Variants in RBFOX1 observed in about 807,000 individuals in gnomAD.
RBFOX1 encodes RNA binding protein fox-1 homolog 1.
In RBFOX1, 8 loss-of-function variants were observed where a neutral mutation model predicts 57.7. The ratio of observed to expected loss-of-function variants is 0.14; its 90% CI spans 0.08 to 0.25. The LOEUF (loss-of-function observed/expected upper bound fraction) is 0.25. Among genes scored for constraint, RBFOX1 ranks in the 10% least tolerant of loss-of-function variants. RBFOX1 has a pLI of 1.00. For missense variants in RBFOX1, 611 were observed against 548.5 expected (o/e 1.11, Z -1.14); for synonymous variants, 326 against 222.4 (o/e 1.47, Z -4.15).
intron 4 of RBFOX1, among the ~76,000 whole-genome samples, chr16:7,515,597 C>A (rs573009813): frequency 2.6e-5 from 4 of 152,164 alleles, no homozygotes; most frequent in South Asian, 4.1e-4. Flanking sequence ...AGTTATACAC[C>A]TTACATGTAT....
At chr16:6,055,294 C>G (rs1444658165) in intron 1 of RBFOX1, among the ~76,000 whole-genome samples, 1 of 151,954 alleles carries the variant, frequency 6.6e-6, no homozygotes, top group Non-Finnish European at 1.5e-5. Context: ...TTTGGAGATA[C>G]AGAAGTGAAC....
At chr16:5,645,125 C>T (rs1030223255) in intron 3 of RBFOX1, among the ~76,000 whole-genome samples, 2 of 151,548 alleles carry the variant, frequency 1.3e-5, no homozygotes, top group African/African-American at 2.4e-5. Context: ...GATGCATGCC[C>T]GTAATCCCAG....
At chr16:6,799,253 G>A (rs1306194715) in intron 3 of RBFOX1, among the ~76,000 whole-genome samples, 4 of 152,074 alleles carry the variant, frequency 2.6e-5, no homozygotes, top group African/African-American at 7.2e-5. Flanking sequence ...AGACACAGCA[G>A]GGCCACCCCA....
intron 2 of RBFOX1, among the ~76,000 whole-genome samples, chr16:5,580,172 C>T (rs531150642): frequency 2.6e-5 from 4 of 152,310 alleles, no homozygotes; most frequent in South Asian, 4.1e-4. Flanking sequence ...TCCCTTGGCC[C>T]AGCGTAGTGA....
At chr16:6,245,903 C>T (rs894713432) in intron 1 of RBFOX1, among the ~76,000 whole-genome samples, 2 of 152,278 alleles carry the variant, frequency 1.3e-5, no homozygotes, top group Admixed American at 1.3e-4. Context: ...TTCTCATGTC[C>T]TTATTCATAG....
At chr16:6,382,623 G>C (rs568776578) in intron 2 of RBFOX1, among the ~76,000 whole-genome samples, 2 of 152,290 alleles carry the variant, frequency 1.3e-5, no homozygotes, top group South Asian at 4.1e-4. Flanking sequence ...ACTTTGGGAG[G>C]CTGAGGCGGG....
At chr16:5,437,039 C>A (rs746093168) in intron 1 of RBFOX1, among the ~76,000 whole-genome samples, 1 of 152,162 alleles carries the variant, frequency 6.6e-6, no homozygotes, top group Non-Finnish European at 1.5e-5. Flanking sequence ...AAGAGACAGG[C>A]TTTCTGATGG....
At chr16:5,816,075 C>T (rs1287567948) in intron 3 of RBFOX1, among the ~76,000 whole-genome samples, 1 of 152,158 alleles carries the variant, frequency 6.6e-6, no homozygotes, top group East Asian at 1.9e-4. Flanking sequence ...TGTGAGCCTC[C>T]AGTTCTCCAT....
intron 2 of RBFOX1, among the ~76,000 whole-genome samples, chr16:6,438,957 C>G (rs1247165334): frequency 6.6e-6 from 1 of 152,172 alleles, no homozygotes; most frequent in African/African-American, 2.4e-5. Flanking sequence ...TGACATCTTC[C>G]TTTTGCATTG....
At chr16:5,416,709 A>G (rs1321796769) in intron 1 of RBFOX1, among the ~76,000 whole-genome samples, 2 of 151,904 alleles carry the variant, frequency 1.3e-5, no homozygotes, top group East Asian at 3.9e-4. Context: ...GTCGTCTTCA[A>G]GATTTTCTCT....
exon 4 of RBFOX1, chr16:5,867,315 C>A: frequency 8.3e-7 from 1 of 1,210,006 alleles, no homozygotes; most frequent in Non-Finnish European, 1.0e-6. Context: ...TTCGGCAAGT[C>A]AGGCTACAGG....
At chr16:6,055,457 G>A (rs1293427889) in intron 1 of RBFOX1, among the ~76,000 whole-genome samples, 4 of 151,912 alleles carry the variant, frequency 2.6e-5, no homozygotes, top group Non-Finnish European at 2.9e-5. Context: ...GCGAGGTGTT[G>A]TGGTGCGTGC....
At chr16:7,005,435 A>G (rs1218290130) in intron 3 of RBFOX1, among the ~76,000 whole-genome samples, 1 of 152,208 alleles carries the variant, frequency 6.6e-6, no homozygotes, top group Non-Finnish European at 1.5e-5. Flanking sequence ...AAAAGAGAAA[A>G]GTTTCTGGGT....
intron 2 of RBFOX1, among the ~76,000 whole-genome samples, chr16:6,501,558 G>C (rs1239791071): frequency 6.6e-6 from 1 of 151,960 alleles, no homozygotes; most frequent in African/African-American, 2.4e-5. Flanking sequence ...ATTTGGGTTG[G>C]TTCCAAGTCT....
chr16:7,261,813 CA>C (rs2094930238), intron 4 of RBFOX1, among the ~76,000 whole-genome samples: 1 of 152,162 alleles, frequency 6.6e-6, no homozygotes, highest in Non-Finnish European at 1.5e-5. Context: ...GCTTTGAAAG[CA>C]TTACTGATAT....
At chr16:6,465,452 C>T (rs1159482803) in intron 2 of RBFOX1, among the ~76,000 whole-genome samples, 1 of 152,130 alleles carries the variant, frequency 6.6e-6, no homozygotes, top group Non-Finnish European at 1.5e-5. Context: ...CCTTTCATTT[C>T]TGTCTGAGTT....
intron 4 of RBFOX1, among the ~76,000 whole-genome samples, chr16:7,506,251 G>C (rs914234951): frequency 1.5e-5 from 2 of 131,936 alleles, no homozygotes; most frequent in Non-Finnish European, 3.2e-5. Context: ...CAGAACAAAA[G>C]TTTATATGTT....
chr16:6,819,122 A>G (rs145978086), intron 3 of RBFOX1, among the ~76,000 whole-genome samples: 58 of 152,288 alleles, frequency 3.8e-4, no homozygotes, highest in East Asian at 1.4e-3. Flanking sequence ...AACAATTTCC[A>G]TGTGGGCTAT....
At chr16:5,961,798 G>C (rs2059755310) in intron 4 of RBFOX1, among the ~76,000 whole-genome samples, 1 of 152,132 alleles carries the variant, frequency 6.6e-6, no homozygotes. Context: ...AAAGCACTGG[G>C]GTTGCATGCA....
Sources: allele counts gnomAD v4.1 joint callset (sites outside exome capture counted in the v4.1 genomes callset), GRCh38; gene constraint gnomAD v4.1.1; transcripts MANE v1.5; gene names NCBI Gene and HGNC (gene_info 2026-07-23, HGNC 2026-07-21).